The following LGI4 variants were observed in gnomAD, a reference collection of about 807,000 sequenced individuals.
The protein encoded by LGI4 is leucine rich repeat LGI family member 4, also known as leucine-rich repeat LGI family member 4.
A neutral mutation model predicts 48.3 loss-of-function variants in LGI4; 36 were observed. That is an observed-to-expected ratio of 0.75 (90% confidence interval 0.57 to 0.98). LGI4 has a LOEUF of 0.98. LGI4 is among the 50% of genes least tolerant of loss of function. The pLI, the probability that LGI4 is intolerant of heterozygous loss-of-function variation, is 0.00. For synonymous variants in LGI4, 355 were observed against 331.6 expected (o/e 1.07, Z -0.77); for missense variants, 701 against 732.1 (o/e 0.96, Z 0.49).
At chr19:35,132,568 A>G (rs1011171367) in intron 3 of LGI4, among the ~76,000 whole-genome samples, 8 of 152,096 alleles carry the variant, frequency 5.3e-5, no homozygotes, top group Non-Finnish European at 1.2e-4. Context: ...AAGACCAATA[A>G]CTGCTGTTAT....
chr19:35,130,601 G>A (rs2065168061), intron 6 of LGI4, among the ~76,000 whole-genome samples: 1 of 152,206 alleles, frequency 6.6e-6, no homozygotes, highest in Non-Finnish European at 1.5e-5. Context: ...TCAGGCTTAG[G>A]CAGGAGGATC....
intron 3 of LGI4, chr19:35,133,401 G>A: frequency 8.0e-7 from 1 of 1,257,580 alleles, no homozygotes; most frequent in Non-Finnish European, 1.0e-6. Context: ...TATGAGTCAG[G>A]GAGAGCCAGA....
chr19:35,126,448 C>A lies in LGI4; in HGVS notation c.1121G>T (p.Gly374Val). The A allele has an allele frequency of 6.3e-7, 1 of 1,589,646 alleles. No individual in the cohort carries two copies. The change falls in exon 8 of 9, where the codon GGC becomes GTC. Residue 374 changes from glycine (G) to valine (V), a missense_variant. This residue lies in a region of LGI4 where 223 missense variants were observed against 263.3 expected (regional missense o/e 0.85). Coordinates refer to ENST00000310123, the MANE Select transcript of LGI4 (RefSeq NM_139284.3). ...CGAGGCCAGCAGCAGGTGGGGCCGG[C>A]CGTCCAGCTCCAGGGCCTCAGCGTC... ...DTDAEALELD[G>V]RPHLLLASAS...
At position 35,134,757 on chromosome 19, in the gene LGI4, A is replaced by ACCAGGCCGCCCTCCAT. The variant is rs2065198614; in HGVS notation, c.-93_-78dup. 1 of 717,208 alleles carries ACCAGGCCGCCCTCCAT rather than the reference A, an allele frequency of 1.4e-6. No homozygotes were observed. Among genetic ancestry groups the ACCAGGCCGCCCTCCAT allele is most frequent in the Non-Finnish European group, 2.2e-6 (1 of 463,812 alleles). The allele number at this position is 717,208 out of a possible 1,614,324, so 44.4% of individuals were successfully genotyped here. ...CCCAGGCCACTACGTCTCCTCCTCC[A>ACCAGGCCGCCCTCCAT]CCAGGCCGCCCTCCATCCGCCTGCT... On this transcript the variant is annotated 5_prime_UTR_variant, in exon 1 of 9. In the 5' UTR this introduces an upstream ATG that the reference lacks. Coordinates refer to ENST00000310123, the MANE Select transcript of LGI4 (RefSeq NM_139284.3).
At chr19:35,131,163 GAA>G in intron 6 of LGI4, 1 of 643,848 alleles carries the variant, frequency 1.6e-6, no homozygotes, top group South Asian at 1.8e-5. Flanking sequence ...GCCAAATGCC[GAA>G]CACGTGAAGA....
chr19:35,127,058 C>T, intron 6 of LGI4, 41 bp from the exon 7 acceptor site: 1 of 1,523,816 alleles, frequency 6.6e-7, no homozygotes, highest in East Asian at 2.3e-5. Context: ...CCAGGACCCC[C>T]AGGGTCCTCA....
intron 1 of LGI4, 138 bp downstream of exon 1, chr19:35,134,373 T>A (rs1413278862): frequency 1.1e-6 from 1 of 919,372 alleles, no homozygotes; most frequent in Non-Finnish European, 1.7e-6. Context: ...CTTCAAGGCA[T>A]CCCGACAGGC....
At chr19:35,129,046 C>T (rs992212414) in intron 6 of LGI4, among the ~76,000 whole-genome samples, 1 of 152,200 alleles carries the variant, frequency 6.6e-6, no homozygotes, top group Non-Finnish European at 1.5e-5. Context: ...GTATAGCACA[C>T]ATTGATCTGT....
In LGI4 at chr19:35,131,829, G is replaced by A. The variant is rs1175654191; in HGVS notation, c.418C>T (p.Pro140Ser). ...TCCAGGCCTCGGAACAGGAATCTGG[G>A]GAGGGTCTCCAGATGGTTATTGGCC... is the stretch of plus-strand genomic sequence containing the variant. Reference protein sequence around the residue: ...SLANNHLETLPRFLFRGLDTL... With the variant: ...SLANNHLETLSRFLFRGLDTL... Residue 140 changes from proline to serine, a missense_variant, in exon 5 of 9, where the codon CCC becomes TCC. Pro to Ser is a moderately conservative substitution (Grantham distance 74). This residue lies in a region of LGI4 where 462 missense variants were observed against 436.4 expected (regional missense o/e 1.06). Coordinates refer to ENST00000310123, the MANE Select transcript of LGI4 (RefSeq NM_139284.3). The A allele has an allele frequency of 6.3e-7, 1 of 1,574,878 alleles. No individual in the cohort carries two copies. The highest frequency in any genetic ancestry group is 1.3e-5 in the African/African-American group (1 of 74,290).
At chr19:35,132,481 T>C (rs2065182779) in intron 3 of LGI4, among the ~76,000 whole-genome samples, 1 of 150,256 alleles carries the variant, frequency 6.7e-6, no homozygotes. Flanking sequence ...ACCACCACAT[T>C]ACCTCCAGCA....
In LGI4 at chr19:35,126,968, G is replaced by A. The variant is rs1409377426; in HGVS notation, c.678C>T (p.Pro226=). 6.2e-7 allele frequency: 1 copy of A among 1,613,248 alleles called. No homozygotes were observed. The highest frequency in any genetic ancestry group is 1.1e-5 in the South Asian group (1 of 91,034). ...TVGESALSVE[P]FSYQGEPHIV... ...TGTGAGGCTCCCCTTGGTAGGAGAA[G>A]GGCTCTACGCTCAGTGCCGACTCCC... The change falls in exon 7 of 9, where the codon CCC becomes CCT. Residue 226 remains proline (P), a synonymous_variant. Transcript: ENST00000310123.
intron 6 of LGI4, among the ~76,000 whole-genome samples, chr19:35,128,006 A>G (rs1437617146): frequency 6.6e-6 from 1 of 152,306 alleles, no homozygotes; most frequent in Admixed American, 6.5e-5. Flanking sequence ...CAGTGGAACA[A>G]GGGCAGATGT....
In LGI4 at chr19:35,134,742, T is replaced by C; in HGVS notation, c.-62A>G. 1 of 855,776 alleles carries C rather than the reference T, an allele frequency of 1.2e-6. No homozygotes were observed. Among genetic ancestry groups the C allele is most frequent in the Non-Finnish European group, 1.7e-6 (1 of 583,978 alleles). The allele number at this position is 855,776 out of a possible 1,614,324, so 53.0% of individuals were successfully genotyped here. A position where few individuals can be genotyped will look rare whatever the true frequency, so the allele number is the denominator to read the frequency against. Reference sequence around the variant, plus strand: ...GCCCACCCAGCTCAGCCCAGGCCACTACGTCTCCTCCTCCACCAGGCCGCC... The same window carrying C: ...GCCCACCCAGCTCAGCCCAGGCCACCACGTCTCCTCCTCCACCAGGCCGCC... On this transcript the variant is annotated 5_prime_UTR_variant, in exon 1 of 9. It removes the in-frame stop codon of an upstream open reading frame in the 5' UTR. Coordinates refer to ENST00000310123, the MANE Select transcript of LGI4 (RefSeq NM_139284.3).
At position 35,124,820 on chromosome 19, in the gene LGI4, CG is replaced by C. The variant is rs2065118914; in HGVS notation, c.*372del. 1 of 184,996 alleles carries C rather than the reference CG, an allele frequency of 5.4e-6. No individual in the cohort carries two copies. Among genetic ancestry groups the C allele is most frequent in the African/African-American group, 2.3e-5 (1 of 42,808 alleles). The allele number at this position is 184,996 out of a possible 1,614,324, so 11.5% of individuals were successfully genotyped here. A position where few individuals can be genotyped will look rare whatever the true frequency, so the allele number is the denominator to read the frequency against. ...CCCTCGGTGCTTTCAGAGGGACCAG[CG>C]GGGTAGGAGCGGGTTGAGAGGGGGG... On this transcript the variant is annotated 3_prime_UTR_variant, in exon 9 of 9. Coordinates refer to ENST00000310123, the MANE Select transcript of LGI4 (RefSeq NM_139284.3).
At chr19:35,125,707 C>A (rs188344140) in intron 8 of LGI4, 200 bp from the exon 9 acceptor site, 1 of 700,308 alleles carries the variant, frequency 1.4e-6, no homozygotes, top group Non-Finnish European at 2.6e-6. Context: ...CAGAAGCACT[C>A]AGCCATGGAC....
chr19:35,132,174 A>G, intron 3 of LGI4, 132 bp from the exon 4 acceptor site: 1 of 766,184 alleles, frequency 1.3e-6, no homozygotes, highest in South Asian at 1.6e-5. Flanking sequence ...AAAGCCTCTC[A>G]AAAACCTCTC....
chr19:35,134,212 G>A, intron 1 of LGI4, 108 bp from the exon 2 acceptor site: 2 of 1,028,212 alleles, frequency 1.9e-6, no homozygotes, highest in Non-Finnish European at 2.9e-6. Flanking sequence ...CCTGACCCTG[G>A]ATGTGTCTCC....
intron 6 of LGI4, among the ~76,000 whole-genome samples, chr19:35,128,898 T>C (rs1376828753): frequency 6.6e-6 from 1 of 152,188 alleles, no homozygotes; most frequent in African/African-American, 2.4e-5. Flanking sequence ...CCGGCCAGGC[T>C]GTTCCCTCTC....
intron 3 of LGI4, among the ~76,000 whole-genome samples, chr19:35,132,299 T>C (rs1021461053): frequency 6.6e-6 from 1 of 152,076 alleles, no homozygotes; most frequent in Admixed American, 6.5e-5. Context: ...TCACCAGTGC[T>C]GACACCCAAA....
Sources: gnomAD v4.1 joint callset for allele counts (sites outside exome capture counted in the v4.1 genomes callset) on GRCh38, gnomAD v4.1.1 for gene constraint, gnomAD v4.1.1 regional missense constraint, MANE v1.5 for transcripts, NCBI Gene and HGNC (gene_info 2026-07-23, HGNC 2026-07-21) for gene names.